The following CNOT4 variants were observed in gnomAD, a reference collection of about 807,000 sequenced individuals.
CNOT4 encodes the protein CCR4-associated factor 4.
A neutral mutation model predicts 73.8 loss-of-function variants in CNOT4; 8 were observed. The ratio of observed to expected loss-of-function variants is 0.11; its 90% confidence interval spans 0.06 to 0.20. The LOEUF (loss-of-function observed/expected upper bound fraction) is 0.20. Among genes scored for constraint, CNOT4 ranks in the 10% least tolerant of loss-of-function variants. The probability of loss-of-function intolerance (pLI) is 1.00; values close to 1 mark genes in which losing one functional copy is unlikely to be tolerated. For synonymous variants in CNOT4, 293 were observed against 321.1 expected (o/e 0.91, Z 0.94); for missense variants, 564 against 883.4 (o/e 0.64, Z 4.58).
At chr7:135,454,139 A>G (rs1238380519) in intron 1 of CNOT4, among the ~76,000 whole-genome samples, 1 of 151,820 alleles carries the variant, frequency 6.6e-6, no homozygotes, top group Non-Finnish European at 1.5e-5. Flanking sequence ...TTAGTGTTTT[A>G]ACATTTGTTC....
At chr7:135,444,152 A>G (rs1325127348) in intron 1 of CNOT4, among the ~76,000 whole-genome samples, 1 of 129,452 alleles carries the variant, frequency 7.7e-6, no homozygotes, top group African/African-American at 2.5e-5. Flanking sequence ...AAAAATAATA[A>G]TAATAATAAT....
At chr7:135,500,854 T>A (rs1719818240) in intron 1 of CNOT4, among the ~76,000 whole-genome samples, 1 of 152,230 alleles carries the variant, frequency 6.6e-6, no homozygotes, top group South Asian at 2.1e-4. Context: ...AAATTTCTCT[T>A]TTACAAATGA....
chr7:135,437,635 A>G (rs531794030), intron 2 of CNOT4, among the ~76,000 whole-genome samples: 1 of 152,322 alleles, frequency 6.6e-6, no homozygotes, highest in South Asian at 2.1e-4. Context: ...TAAAATGGGA[A>G]TATCAATACC....
At chr7:135,416,122 G>A (rs1298827460) in intron 3 of CNOT4, among the ~76,000 whole-genome samples, 2 of 152,056 alleles carry the variant, frequency 1.3e-5, no homozygotes, top group African/African-American at 4.8e-5. Context: ...TAGACCTACT[G>A]TTCCTACAAT....
intron 1 of CNOT4, among the ~76,000 whole-genome samples, chr7:135,502,882 G>A (rs933462112): frequency 1.3e-5 from 2 of 151,460 alleles, no homozygotes; most frequent in Non-Finnish European, 2.9e-5. Flanking sequence ...GCAGGGCACA[G>A]TGGCTCACGT....
At chr7:135,367,916 ATGAG>A (rs1252599941) in intron 10 of CNOT4, among the ~76,000 whole-genome samples, 2 of 152,172 alleles carry the variant, frequency 1.3e-5, no homozygotes, top group Non-Finnish European at 2.9e-5. Flanking sequence ...ACATCAGGGA[ATGAG>A]TGTTTATTCT....
intron 1 of CNOT4, among the ~76,000 whole-genome samples, chr7:135,440,504 A>G (rs1402359965): frequency 2.6e-5 from 4 of 152,192 alleles, no homozygotes; most frequent in African/African-American, 9.6e-5. Context: ...AGGAAGTTTT[A>G]GCCCTAGATA....
chr7:135,425,352 A>G lies in CNOT4; in HGVS notation c.175-2999T>C, dbSNP rs567588097. Among the ~76,000 whole-genome samples the G allele has an allele frequency of 2.8e-4, 42 of 152,336 alleles. No homozygotes were observed. The South Asian group carries it at 8.3e-3, about 30-fold the overall frequency. The stretch of plus-strand genomic sequence containing the variant: ...AGGCAAAGTCATGTAATATTTGAAA[A>G]TACATGAACACAAAAAAATTGAGGG... On this transcript the variant is annotated intron_variant, in intron 2 of 11. Coordinates refer to ENST00000541284, the MANE Select transcript of CNOT4 (RefSeq NM_001190850.2).
intron 8 of CNOT4, among the ~76,000 whole-genome samples, chr7:135,396,960 ATT>A (rs1796729200): frequency 6.6e-6 from 1 of 152,036 alleles, no homozygotes; most frequent in Non-Finnish European, 1.5e-5. Context: ...ATTTATTACT[ATT>A]TGTTTCATGG....
At chr7:135,480,239 A>G (rs1802285734) in intron 1 of CNOT4, among the ~76,000 whole-genome samples, 1 of 152,206 alleles carries the variant, frequency 6.6e-6, no homozygotes, top group Non-Finnish European at 1.5e-5. Context: ...ATTTCTTGTC[A>G]CTGGTCCACT....
At chr7:135,480,337 CACTT>C (rs1309771181) in intron 1 of CNOT4, among the ~76,000 whole-genome samples, 8 of 152,296 alleles carry the variant, frequency 5.3e-5, no homozygotes, top group Admixed American at 2.0e-4. Flanking sequence ...CATTAAATCT[CACTT>C]ATTTATTTAA....
chr7:135,363,303 A>C lies in CNOT4; in HGVS notation c.1841-117T>G. 1.1e-6 allele frequency: 1 copy of C among 909,062 alleles called. No homozygotes were observed. The highest frequency in any genetic ancestry group is 1.7e-6 in the Non-Finnish European group (1 of 590,842). 56.3% of individuals were successfully genotyped at this position (909,062 alleles called of 1,614,324 possible). ...AAAGACAGAAGAGATTACAATTTTA[A>C]ACTCCTTCCAAATAAGACCTTTTAA... On this transcript the variant is annotated intron_variant, in intron 11 of 11. Coordinates refer to ENST00000541284, the MANE Select transcript of CNOT4 (RefSeq NM_001190850.2). This position sits in a 1 kb window ranked among gnomAD's most constrained non-coding sequence, Gnocchi z 4.3.
At chr7:135,445,548 T>C (rs1002348750) in intron 1 of CNOT4, among the ~76,000 whole-genome samples, 3 of 152,192 alleles carry the variant, frequency 2.0e-5, no homozygotes, top group Admixed American at 2.0e-4. Flanking sequence ...AAGTTTCCCC[T>C]TGTAGACGTA....
intron 7 of CNOT4, among the ~76,000 whole-genome samples, chr7:135,404,963 G>A (rs1031224248): frequency 1.3e-5 from 2 of 152,096 alleles, no homozygotes; most frequent in African/African-American, 4.8e-5. Flanking sequence ...TATAGTTATG[G>A]CACAGTTTCA....
chr7:135,363,277 G>A lies in CNOT4; in HGVS notation c.1841-91C>T. 8.3e-7 allele frequency: 1 copy of A among 1,200,534 alleles called. No individual in the cohort carries two copies. Among genetic ancestry groups the A allele is most frequent in the Non-Finnish European group, 1.2e-6 (1 of 825,306 alleles). 74.4% of individuals were successfully genotyped at this position (1,200,534 alleles called of 1,614,324 possible). A position where few individuals can be genotyped will look rare whatever the true frequency, so the allele number is the denominator to read the frequency against. On this transcript the variant is annotated intron_variant, in intron 11 of 11. Coordinates refer to ENST00000541284, the MANE Select transcript of CNOT4 (RefSeq NM_001190850.2). This position sits in a 1 kb window ranked among gnomAD's most constrained non-coding sequence, Gnocchi z 4.3. The stretch of plus-strand genomic sequence containing the variant: ...CAAATTTAGAAAGCAAAACCAAAAG[G>A]AAAGACAGAAGAGATTACAATTTTA...
intron 10 of CNOT4, among the ~76,000 whole-genome samples, chr7:135,367,080 C>T (rs144955037): frequency 2.0e-5 from 3 of 152,202 alleles, no homozygotes; most frequent in African/African-American, 4.8e-5. Context: ...GCAGCATTGC[C>T]GGCCTCTACC....
At chr7:135,458,529 A>G (rs958505781) in intron 1 of CNOT4, among the ~76,000 whole-genome samples, 12 of 152,066 alleles carry the variant, frequency 7.9e-5, no homozygotes, top group Admixed American at 7.9e-4. Flanking sequence ...GTTTGATAGC[A>G]TTTTACCCAC....
chr7:135,496,816 CTTTTT>C (rs1047028287), intron 1 of CNOT4, among the ~76,000 whole-genome samples: 2 of 151,814 alleles, frequency 1.3e-5, no homozygotes, highest in Admixed American at 6.6e-5. Context: ...CTCTCATTTT[CTTTTT>C]ATTTTTTGAG....
At chr7:135,388,976 A>G in intron 10 of CNOT4, 1 of 1,261,732 alleles carries the variant, frequency 7.9e-7, no homozygotes, top group Non-Finnish European at 1.1e-6. Context: ...AATATTTGGA[A>G]TACTGATACA....
Sources: allele counts gnomAD v4.1 joint callset (sites outside exome capture counted in the v4.1 genomes callset), GRCh38; gene constraint gnomAD v4.1.1; non-coding constraint Gnocchi (gnomAD v3.1); transcripts MANE v1.5; gene names NCBI Gene and HGNC (gene_info 2026-07-23, HGNC 2026-07-21).